OSBPL10: variants seen among roughly 807,000 people sequenced by gnomAD.
The protein encoded by OSBPL10 is oxysterol binding protein like 10.
A neutral mutation model predicts 81.7 loss-of-function variants in OSBPL10; 49 were observed. The ratio of observed to expected loss-of-function variants is 0.60; its 90% CI spans 0.48 to 0.76. The LOEUF (loss-of-function observed/expected upper bound fraction) is 0.76, where lower values mean the gene tolerates loss of function less well. Ranked by LOEUF, OSBPL10 falls within the 30% of genes least tolerant of loss-of-function variation. The pLI, the probability that OSBPL10 is intolerant of heterozygous loss-of-function variation, is 0.00. For missense variants in OSBPL10, 923 were observed against 987.8 expected, an observed-to-expected ratio of 0.93 and a Z score of 0.88; for synonymous variants, 419 against 383.6, an observed-to-expected ratio of 1.09 and a Z score of -1.08.
chr3:31,808,960 A>G (rs1304059480), intron 4 of OSBPL10, among the ~76,000 whole-genome samples: 1 of 152,216 alleles, frequency 6.6e-6, no homozygotes, highest in African/African-American at 2.4e-5. Flanking sequence ...ACTCTTAATC[A>G]AGTAATATAC....
chr3:31,792,738 AGAGTGTGT>A (rs1164086440), intron 4 of OSBPL10, among the ~76,000 whole-genome samples: 6 of 104,976 alleles, frequency 5.7e-5, no homozygotes, highest in East Asian at 3.0e-4. Context: ...ATCCAGACAC[AGAGTGTGT>A]GTGTGTGTGT....
At chr3:31,905,345 A>ATT (rs386396290) in intron 1 of OSBPL10, among the ~76,000 whole-genome samples, 43,012 of 94,616 alleles carry the variant, frequency 0.45, 11,666 homozygotes, top group Non-Finnish European at 0.53. Context: ...GAACCTGGTG[A>ATT]TTTTTTTTTT....
chr3:32,061,519 A>G lies in OSBPL10; in HGVS notation n.186-14916T>C, dbSNP rs1438265530. 2.1e-5 allele frequency among the ~76,000 whole-genome samples: 2 copies of G among 93,890 alleles called. 1 individual carries two copies. The highest frequency in any genetic ancestry group is 5.5e-5 in the African/African-American group (2 of 36,426). 61.6% of individuals were successfully genotyped at this position (93,890 alleles called of 152,430 possible). A position where few individuals can be genotyped will look rare whatever the true frequency, so the allele number is the denominator to read the frequency against. ...CTCGTTCAATGAATGCATTCTCCAT[A>G]CCAAAGGAGGGTGCAAGTCTTGCAC... On this transcript the variant is annotated intron_variant and non_coding_transcript_variant, in intron 1 of 3. Coordinates refer to the OSBPL10 transcript ENST00000479173.
At chr3:31,988,528 T>C (rs942515410) in intron 2 of OSBPL10, 1 of 156,564 alleles carries the variant, frequency 6.4e-6, no homozygotes, top group Admixed American at 6.1e-5. Flanking sequence ...AGTGACTCAC[T>C]TCTAATGAAT....
At chr3:31,964,197 C>T (rs755918613) in intron 1 of OSBPL10, among the ~76,000 whole-genome samples, 2 of 152,180 alleles carry the variant, frequency 1.3e-5, no homozygotes, top group Non-Finnish European at 2.9e-5. Context: ...CACACTGTCA[C>T]CTAGGCTGGA....
chr3:31,918,933 G>T (rs373228343), intron 1 of OSBPL10, among the ~76,000 whole-genome samples: 3 of 152,150 alleles, frequency 2.0e-5, no homozygotes, highest in African/African-American at 7.2e-5. Context: ...CCCATTTGTG[G>T]TTTCGATCTA....
At chr3:31,868,298 G>C (rs1404349280) in intron 3 of OSBPL10, among the ~76,000 whole-genome samples, 2 of 152,070 alleles carry the variant, frequency 1.3e-5, no homozygotes, top group Non-Finnish European at 2.9e-5. Flanking sequence ...AGAAAAAAAG[G>C]CCTTTGCAAG....
At chr3:31,990,855 A>G (rs756757326) in intron 2 of OSBPL10, 1 of 1,581,882 alleles carries the variant, frequency 6.3e-7, no homozygotes, top group Non-Finnish European at 8.6e-7. Context: ...TGGGAGAGAA[A>G]CATCACAAGT....
At chr3:32,032,664 A>T (rs1699484155) in intron 2 of OSBPL10, among the ~76,000 whole-genome samples, 1 of 152,184 alleles carries the variant, frequency 6.6e-6, no homozygotes, top group Admixed American at 6.5e-5. Flanking sequence ...AAACAAGAAT[A>T]TGAGAATTAC....
chr3:31,759,910 C>T (rs182626255), intron 4 of OSBPL10, among the ~76,000 whole-genome samples: 1 of 152,188 alleles, frequency 6.6e-6, no homozygotes, highest in Admixed American at 6.5e-5. Flanking sequence ...CAGGCATACA[C>T]CACAACACCT....
At chr3:31,826,460 C>G (rs766864145) in intron 4 of OSBPL10, among the ~76,000 whole-genome samples, 2 of 152,184 alleles carry the variant, frequency 1.3e-5, no homozygotes, top group Non-Finnish European at 2.9e-5. Context: ...TTTGGATAAC[C>G]ATTTAATCTT....
chr3:31,661,782 T>C lies in OSBPL10; in HGVS notation c.*290A>G, dbSNP rs996626179. On this transcript the variant is annotated 3_prime_UTR_variant, in exon 12 of 12. Coordinates refer to ENST00000396556, the MANE Select transcript of OSBPL10 (RefSeq NM_017784.5). ...AGCTTATGATTACCCACTTTAACCT[T>C]GGTGAGTGCAGTATTTAAATGTGTA... 1.0e-5 allele frequency: 3 copies of C among 297,122 alleles called. No homozygotes were observed. Among genetic ancestry groups the C allele is most frequent in the Admixed American group, 5.1e-5 (1 of 19,544 alleles). The allele number at this position is 297,122 out of a possible 1,614,324, so 18.4% of individuals were successfully genotyped here. A position where few individuals can be genotyped will look rare whatever the true frequency, so the allele number is the denominator to read the frequency against.
At chr3:31,920,675 T>C (rs1253029865) in intron 1 of OSBPL10, among the ~76,000 whole-genome samples, 1 of 152,190 alleles carries the variant, frequency 6.6e-6, no homozygotes. Flanking sequence ...TCCAAAATGT[T>C]GGAAGTGGGG....
chr3:31,965,204 C>T (rs1575064918), intron 1 of OSBPL10, among the ~76,000 whole-genome samples: 1 of 150,646 alleles, frequency 6.6e-6, no homozygotes, highest in East Asian at 2.0e-4. Flanking sequence ...CCCGTCTCTA[C>T]TAAAAATACA....
chr3:31,910,505 A>G (rs947443105), intron 1 of OSBPL10, among the ~76,000 whole-genome samples: 3 of 151,922 alleles, frequency 2.0e-5, no homozygotes, highest in African/African-American at 4.8e-5. Context: ...GCTTGGTGGC[A>G]CGCGCCTGTA....
chr3:31,766,966 A>G (rs1178161138), intron 4 of OSBPL10, among the ~76,000 whole-genome samples: 1 of 152,178 alleles, frequency 6.6e-6, no homozygotes, highest in Non-Finnish European at 1.5e-5. Context: ...AGCCAATAGA[A>G]TCTGCCAGGT....
chr3:31,727,061 C>T (rs979810186), intron 6 of OSBPL10, among the ~76,000 whole-genome samples: 3 of 151,986 alleles, frequency 2.0e-5, no homozygotes, highest in Non-Finnish European at 4.4e-5. Flanking sequence ...TTGACCTCCT[C>T]GCCTCAAGTG....
At chr3:31,941,070 T>G (rs987566325) in intron 1 of OSBPL10, among the ~76,000 whole-genome samples, 11 of 152,192 alleles carry the variant, frequency 7.2e-5, no homozygotes, top group Non-Finnish European at 4.4e-5. Context: ...TACTCAACGT[T>G]TGTCCGACAG....
At chr3:31,984,147 C>T (rs1698901344), upstream of OSBPL10, among the ~76,000 whole-genome samples, 1 of 152,166 alleles carries the variant, frequency 6.6e-6, no homozygotes, top group South Asian at 2.1e-4. Flanking sequence ...ACGTCATTCT[C>T]CTGCCTCACA....
Sources: allele counts gnomAD v4.1 joint callset (sites outside exome capture counted in the v4.1 genomes callset), GRCh38; gene constraint gnomAD v4.1.1; transcripts MANE v1.5; gene names NCBI Gene and HGNC (gene_info 2026-07-23, HGNC 2026-07-21).